The following TMEM150C variants were observed in gnomAD, a reference collection of about 807,000 sequenced individuals.
The protein encoded by TMEM150C is transmembrane protein 150C, also known as tentonin 3.
Under a neutral mutation model 29.9 loss-of-function variants are expected in TMEM150C, and 10 were observed. The observed-to-expected ratio is 0.33, with a 90% CI of 0.21 to 0.57. The LOEUF is 0.57. Among genes scored for constraint, TMEM150C ranks in the 20% least tolerant of loss-of-function variants. The probability of loss-of-function intolerance (pLI) is 0.88; values close to 1 mark genes in which losing one functional copy is unlikely to be tolerated. For synonymous variants in TMEM150C, 101 were observed against 112.5 expected (o/e 0.90, Z 0.64); for missense variants, 251 against 303.6 (o/e 0.83, Z 1.29).
rs1416459502 is a variant in TMEM150C at position 82,494,387 on chromosome 4, A to C, written c.363+1681T>G. ...GGGCTTCTGAATTTCTAGGAAGAAG[A>C]GTTAGGAGTAGCATATCTTTATACA... On this transcript the variant is annotated intron_variant, in intron 6 of 7. Transcript: ENST00000449862. Among the ~76,000 whole-genome samples, 6 of 152,306 alleles carry C rather than the reference A, an allele frequency of 3.9e-5. 1 individual carries two copies. Among genetic ancestry groups the C allele is most frequent in the Admixed American group, 3.9e-4 (6 of 15,298 alleles).
At chr4:82,562,162 C>T (rs1725963041), upstream of TMEM150C, 2 of 1,279,928 alleles carry the variant, frequency 1.6e-6, no homozygotes, top group Non-Finnish European at 1.0e-6. Context: ...CTAATAGTCA[C>T]CCGGGGCAGG....
At chr4:82,546,251 GAACTA>G (rs1412512626) in intron 1 of TMEM150C, among the ~76,000 whole-genome samples, 3 of 152,028 alleles carry the variant, frequency 2.0e-5, no homozygotes, top group Non-Finnish European at 4.4e-5. Flanking sequence ...AATTCACATG[GAACTA>G]AACAAGAGCT....
chr4:82,538,102 A>G (rs1725072047), intron 1 of TMEM150C, among the ~76,000 whole-genome samples: 1 of 152,212 alleles, frequency 6.6e-6, no homozygotes, highest in South Asian at 2.1e-4. Context: ...TCTGTCACCC[A>G]GGTTGGTGTG....
rs190241483 is a variant in TMEM150C, at chr4:82,504,215, G to T, written c.80+363C>A. Among the ~76,000 whole-genome samples the T allele has an allele frequency of 2.0e-4, 30 of 151,634 alleles. No individual in the cohort carries two copies. In the South Asian group the frequency reaches 5.0e-3, roughly 25 times the overall value. On this transcript the variant is annotated intron_variant, in intron 2 of 7. Transcript: ENST00000449862. ...AAAGATATGCCATCTACTATTTTTT[G>T]GGGGGGTGGGGACAGTCTTGCTCTC...
chr4:82,546,406 A>C (rs1484670836), intron 1 of TMEM150C, among the ~76,000 whole-genome samples: 1 of 152,238 alleles, frequency 6.6e-6, no homozygotes. Context: ...GGAACAGAAT[A>C]AACACAGAAT....
intron 5 of TMEM150C, among the ~76,000 whole-genome samples, chr4:82,499,924 C>T (rs975290352): frequency 6.6e-6 from 1 of 151,994 alleles, no homozygotes; most frequent in Non-Finnish European, 1.5e-5. Context: ...TTTATGACTG[C>T]GGTAGAACAC....
intron 1 of TMEM150C, among the ~76,000 whole-genome samples, chr4:82,510,286 A>G (rs1724082751): frequency 6.6e-6 from 1 of 152,188 alleles, no homozygotes; most frequent in Non-Finnish European, 1.5e-5. Context: ...CTCAAAAACA[A>G]AAACAAAAAA....
chr4:82,536,734 GAT>G (rs1415106786), intron 1 of TMEM150C, among the ~76,000 whole-genome samples: 1 of 151,934 alleles, frequency 6.6e-6, no homozygotes, highest in African/African-American at 2.4e-5. Flanking sequence ...ATGAAATATT[GAT>G]ATGTTTGACC....
Position 82,507,727 on chromosome 4 carries a change from C to CTTTTTT in TMEM150C, c.-10-3066_-10-3061dup, listed in dbSNP as rs869112887. Among the ~76,000 whole-genome samples the CTTTTTT allele has an allele frequency of 1.5e-3, 31 of 20,578 alleles. 3 individuals are homozygous for CTTTTTT. The highest frequency in any genetic ancestry group is 4.4e-3 in the East Asian group (2 of 458). The allele number at this position is 20,578 out of a possible 152,430, so 13.5% of individuals were successfully genotyped here. On this transcript the variant is annotated intron_variant, in intron 1 of 7. Transcript: ENST00000449862. ...TTAAATTAACTCTCTCTCTCTCTCT[C>CTTTTTT]TTTTTTTTTTTTTTTTTTTTTTTTT...
chr4:82,490,574 T>A (rs1448867093), intron 6 of TMEM150C, among the ~76,000 whole-genome samples: 1 of 151,920 alleles, frequency 6.6e-6, no homozygotes, highest in Non-Finnish European at 1.5e-5. Context: ...GGACATGGTT[T>A]TTTTTGTTTG....
At chr4:82,516,155 C>T (rs1300192257) in intron 1 of TMEM150C, among the ~76,000 whole-genome samples, 3 of 152,164 alleles carry the variant, frequency 2.0e-5, no homozygotes, top group Admixed American at 6.5e-5. Flanking sequence ...GATGGGGACC[C>T]GAGAAGCAAA....
At chr4:82,551,016 A>T (rs1160569588) in intron 1 of TMEM150C, among the ~76,000 whole-genome samples, 1 of 152,192 alleles carries the variant, frequency 6.6e-6, no homozygotes, top group Non-Finnish European at 1.5e-5. Flanking sequence ...GGCTGAATTC[A>T]TCGGTCAGAC....
At position 82,511,472 on chromosome 4, in the gene TMEM150C, A is replaced by ATTTTTTTTTT. The variant is rs397935719; in HGVS notation, c.-10-6815_-10-6806dup. On this transcript the variant is annotated intron_variant, in intron 1 of 7. Transcript: ENST00000449862. ...CAATGGAGCACATTGTCCCAACACT[A>ATTTTTTTTTT]TTTTTTTTTTTTTTTTTTTTGAGAT... Among the ~76,000 whole-genome samples, 325 of 106,280 alleles carry ATTTTTTTTTT rather than the reference A, an allele frequency of 3.1e-3. 15 individuals are homozygous for ATTTTTTTTTT. Among genetic ancestry groups the ATTTTTTTTTT allele is most frequent in the South Asian group, 8.7e-3 (28 of 3,224 alleles). The allele number at this position is 106,280 out of a possible 152,430, so 69.7% of individuals were successfully genotyped here.
chr4:82,512,077 A>G (rs556379422), intron 1 of TMEM150C, among the ~76,000 whole-genome samples: 3 of 152,218 alleles, frequency 2.0e-5, no homozygotes, highest in Non-Finnish European at 4.4e-5. Context: ...GTACCTTTCT[A>G]GACTCCTTTG....
At chr4:82,549,650 A>G (rs748529036) in intron 1 of TMEM150C, among the ~76,000 whole-genome samples, 8 of 152,206 alleles carry the variant, frequency 5.3e-5, no homozygotes, top group Non-Finnish European at 1.2e-4. Context: ...ACATGTAAGT[A>G]ATTAAAATTT....
chr4:82,547,781 G>C (rs549793438), intron 1 of TMEM150C, among the ~76,000 whole-genome samples: 1 of 152,252 alleles, frequency 6.6e-6, no homozygotes, highest in South Asian at 2.1e-4. Flanking sequence ...CAGTCACAGT[G>C]GAAAGCAGTT....
chr4:82,533,359 A>G (rs1172665552), intron 1 of TMEM150C, among the ~76,000 whole-genome samples: 1 of 152,210 alleles, frequency 6.6e-6, no homozygotes, highest in African/African-American at 2.4e-5. Flanking sequence ...AAATATGGAA[A>G]ATTATGGAAA....
intron 6 of TMEM150C, chr4:82,491,769 TGA>T (rs1723357887): frequency 3.0e-6 from 1 of 334,088 alleles, no homozygotes; most frequent in African/African-American, 2.2e-5. Flanking sequence ...CCCAAAGTGC[TGA>T]GATTACAGGC....
rs564087942 is a variant in TMEM150C at position 82,483,303 on chromosome 4, T to G, written c.*2208A>C. 72 of 152,326 alleles carry G rather than the reference T, an allele frequency of 4.7e-4. No individual in the cohort carries two copies. Among genetic ancestry groups the G allele is most frequent in the Non-Finnish European group, 9.0e-4 (61 of 68,028 alleles). 9.4% of individuals were successfully genotyped at this position (152,326 alleles called of 1,614,324 possible). On this transcript the variant is annotated 3_prime_UTR_variant, in exon 8 of 8. Transcript: ENST00000449862. ...TGTACAATTGCATCACCAAAAGCTG[T>G]TTAATTTGGATTGTGTAGAATAAAA...
Sources: allele counts gnomAD v4.1 joint callset (sites outside exome capture counted in the v4.1 genomes callset), GRCh38; gene constraint gnomAD v4.1.1; transcripts MANE v1.5; gene names NCBI Gene and HGNC (gene_info 2026-07-23, HGNC 2026-07-21).